NDUFA10: variants seen among roughly 807,000 people sequenced by gnomAD.
The protein encoded by NDUFA10 is NADH dehydrogenase [ubiquinone] 1 alpha subcomplex subunit 10, mitochondrial.
In NDUFA10, 40 loss-of-function variants were observed where a neutral mutation model predicts 47.8. That is an observed-to-expected ratio of 0.84 (90% CI 0.65 to 1.09). The LOEUF (loss-of-function observed/expected upper bound fraction) is 1.09. Among genes scored for constraint, NDUFA10 ranks in the 50% least tolerant of loss-of-function variants. The pLI is 0.00. For missense variants in NDUFA10, 413 were observed against 451.1 expected (o/e 0.92, Z 0.76); for synonymous variants, 183 against 172.2 (o/e 1.06, Z -0.49).
chr2:239,957,561 C>T lies in NDUFA10; in HGVS notation c.*3557G>A, dbSNP rs149933652. The T allele has an allele frequency of 7.2e-5, 11 of 152,300 alleles. No individual in the cohort carries two copies. The East Asian group carries it at 2.1e-3, about 29-fold the overall frequency. 9.4% of individuals were successfully genotyped at this position (152,300 alleles called of 1,614,324 possible). ...AATTAAGAATTTTAAAACTATACATCAATAGTAAAAGCGAATGAGCAAACT... is the reference window on the plus strand; with the variant it reads ...AATTAAGAATTTTAAAACTATACATTAATAGTAAAAGCGAATGAGCAAACT... On this transcript the variant is annotated 3_prime_UTR_variant, in exon 10 of 10. Transcript: ENST00000252711.
chr2:239,974,356 A>G (rs1390373330), intron 9 of NDUFA10, among the ~76,000 whole-genome samples: 1 of 152,122 alleles, frequency 6.6e-6, no homozygotes, highest in Non-Finnish European at 1.5e-5. Context: ...CAAGACAAAC[A>G]CTCCAAGGTC....
intron 8 of NDUFA10, among the ~76,000 whole-genome samples, chr2:239,999,062 G>A (rs10172804): frequency 0.013 from 1,983 of 152,242 alleles, 40 homozygotes; most frequent in African/African-American, 0.045. Flanking sequence ...AACCAAGGAA[G>A]CTACCAAAGT....
chr2:239,942,187 C>T (rs1212539497), intron 4 of NDUFA10, among the ~76,000 whole-genome samples: 2 of 152,256 alleles, frequency 1.3e-5, no homozygotes, highest in African/African-American at 2.4e-5. Flanking sequence ...CCCTCTACCA[C>T]GTTTACCTTT....
At chr2:239,976,511 T>A (rs1439680395) in intron 9 of NDUFA10, 1 of 152,230 alleles carries the variant, frequency 6.6e-6, no homozygotes, top group African/African-American at 2.4e-5. Flanking sequence ...CTACCGCACA[T>A]CCCTACCCTC....
chr2:239,973,993 TCTGGCCCACTG>T (rs1439425665), intron 9 of NDUFA10, among the ~76,000 whole-genome samples: 1 of 152,126 alleles, frequency 6.6e-6, no homozygotes, highest in Non-Finnish European at 1.5e-5. Context: ...CAGTGGCAAT[TCTGGCCCACTG>T]CAACCCCCGC....
At chr2:239,965,305 G>GGA (rs1695014078) in intron 9 of NDUFA10, among the ~76,000 whole-genome samples, 1 of 147,772 alleles carries the variant, frequency 6.8e-6, no homozygotes, top group Admixed American at 6.6e-5. Context: ...AGAACCATGC[G>GGA]GGGGGGGAGG....
In NDUFA10 at chr2:239,937,596, C is replaced by T. The variant is rs771970377; in HGVS notation, c.295-42282G>A. Among the ~76,000 whole-genome samples, 10 of 152,194 alleles carry T rather than the reference C, an allele frequency of 6.6e-5. No individual in the cohort carries two copies. The East Asian group carries it at 9.6e-4, about 15-fold the overall frequency. ...GTCCGCTCATCCAGTCATCAGCTGA[C>T]GGGTATGTGGGCTGCTCCCACTTTT... On this transcript the variant is annotated intron_variant, in intron 4 of 5. Coordinates refer to the NDUFA10 transcript ENST00000419408.
At chr2:239,908,993 C>T (rs1292819912) in intron 4 of NDUFA10, among the ~76,000 whole-genome samples, 3 of 152,206 alleles carry the variant, frequency 2.0e-5, no homozygotes, top group Non-Finnish European at 2.9e-5. Context: ...TCTGAGCCGG[C>T]TCCCAAGCTC....
At chr2:239,939,455 C>T (rs889897271) in intron 4 of NDUFA10, among the ~76,000 whole-genome samples, 3 of 152,354 alleles carry the variant, frequency 2.0e-5, no homozygotes, top group Admixed American at 6.5e-5. Flanking sequence ...GGGGGCCACC[C>T]GCGTACTCCA....
intron 4 of NDUFA10, among the ~76,000 whole-genome samples, chr2:239,946,135 C>G (rs1005512064): frequency 2.0e-5 from 3 of 152,186 alleles, no homozygotes; most frequent in Admixed American, 6.5e-5. Context: ...AGTGACTTCT[C>G]GAAGTCGAGG....
chr2:239,920,756 T>C (rs905475138), intron 4 of NDUFA10, among the ~76,000 whole-genome samples: 30 of 152,306 alleles, frequency 2.0e-4, no homozygotes, highest in Non-Finnish European at 2.9e-4. Context: ...GTTTTGTTTC[T>C]TGCTTTTTCT....
intron 4 of NDUFA10, among the ~76,000 whole-genome samples, chr2:239,919,059 G>C (rs13426306): frequency 0.23 from 34,239 of 152,166 alleles, 5,362 homozygotes; most frequent in African/African-American, 0.45. Flanking sequence ...GGTGGCACTT[G>C]TCTCTCCAGG....
chr2:239,956,557 G>C (rs1212555541), downstream of NDUFA10, among the ~76,000 whole-genome samples: 2 of 152,208 alleles, frequency 1.3e-5, no homozygotes, highest in African/African-American at 4.8e-5. Flanking sequence ...TGGAGGACTG[G>C]CGTTGCTCCT....
Position 240,025,226 on chromosome 2 carries a change from C to T in NDUFA10, c.75+1G>A. 1 of 1,492,132 alleles carries T rather than the reference C, an allele frequency of 6.7e-7. No individual in the cohort carries two copies. The highest frequency in any genetic ancestry group is 8.9e-7 in the Non-Finnish European group (1 of 1,127,208). The allele number at this position is 1,492,132 out of a possible 1,614,324, so 92.4% of individuals were successfully genotyped here. A position where few individuals can be genotyped will look rare whatever the true frequency, so the allele number is the denominator to read the frequency against. ...ACCCTGCCACCCCGCCGCCCGCTCACCACGCGCTGGGCGCCCGCCGCCACG... is the reference window on the plus strand; with the variant it reads ...ACCCTGCCACCCCGCCGCCCGCTCATCACGCGCTGGGCGCCCGCCGCCACG... On this transcript the variant is annotated splice_donor_variant, in intron 1 of 9. Coordinates refer to ENST00000252711, the MANE Select transcript of NDUFA10 (RefSeq NM_004544.4). LOFTEE classifies it high-confidence loss of function.
chr2:240,011,529 A>C, intron 6 of NDUFA10, 88 bp downstream of exon 6: 1 of 998,120 alleles, frequency 1.0e-6, no homozygotes, highest in Admixed American at 1.7e-5. Context: ...GCAGTAAATA[A>C]GACAGAAAAC....
chr2:239,977,684 G>A (rs921348816), intron 9 of NDUFA10, among the ~76,000 whole-genome samples: 2 of 152,208 alleles, frequency 1.3e-5, no homozygotes, highest in Non-Finnish European at 2.9e-5. Context: ...TTCACGCTAG[G>A]AGAACGTAAA....
rs188727672 is a variant in NDUFA10 at position 239,966,304 on chromosome 2, C to T, written c.1000-5118G>A. ...GGCTGGAAATGACAACTCCCCCTGG[C>T]CCCCGATGGAGCCCAGACATGGAGG... On this transcript the variant is annotated intron_variant, in intron 9 of 9. Coordinates refer to ENST00000252711, the MANE Select transcript of NDUFA10 (RefSeq NM_004544.4). Among the ~76,000 whole-genome samples, 151 of 152,340 alleles carry T rather than the reference C, an allele frequency of 9.9e-4. 1 individual carries two copies. The East Asian group carries it at 0.011, about 11-fold the overall frequency.
At chr2:239,904,744 G>A (rs2106467030) in intron 4 of NDUFA10, among the ~76,000 whole-genome samples, 1 of 152,332 alleles carries the variant, frequency 6.6e-6, no homozygotes, top group Admixed American at 6.5e-5. Flanking sequence ...ATCAGGCGGG[G>A]TGCTTACAAC....
At chr2:239,951,133 A>ACTGGGGCT (rs1694543332) in intron 4 of NDUFA10, among the ~76,000 whole-genome samples, 1 of 152,238 alleles carries the variant, frequency 6.6e-6, no homozygotes. Context: ...CTGGATTTTC[A>ACTGGGGCT]CTGGGGCTCT....
Sources: allele counts gnomAD v4.1 joint callset (sites outside exome capture counted in the v4.1 genomes callset), GRCh38; gene constraint gnomAD v4.1.1; transcripts MANE v1.5; gene names NCBI Gene and HGNC (gene_info 2026-07-23, HGNC 2026-07-21).